EME2: variants seen among roughly 807,000 people sequenced by gnomAD.
The protein encoded by EME2 is essential meiotic structure-specific endonuclease subunit 2.
Under a neutral mutation model 41.9 loss-of-function variants are expected in EME2, and 58 were observed. The observed-to-expected ratio is 1.38, with a 90% CI of 1.12 to 1.72. EME2 has a LOEUF of 1.72. EME2 is among the 40% of genes most tolerant of loss of function. EME2 has a pLI of 0.00. For missense variants in EME2, 695 were observed against 541.9 expected (o/e 1.28, Z -2.81); for synonymous variants, 334 against 239.3 (o/e 1.40, Z -3.65).
intron 6 of EME2, 38 bp from the exon 7 acceptor site, chr16:1,775,759 C>T (rs1309910588): frequency 1.6e-5 from 26 of 1,612,260 alleles, no homozygotes; most frequent in Non-Finnish European, 1.9e-5. Context: ...TTGGGAGCTG[C>T]TCACATGAGG....
chr16:1,777,069 C>T lies in EME2; in HGVS notation c.*831C>T. The T allele has an allele frequency of 6.2e-7, 1 of 1,602,502 alleles. No homozygotes were observed. The highest frequency in any genetic ancestry group is 2.2e-5 in the East Asian group (1 of 44,750). ...ACAGAGGAAAGGGGCTGTCCCAGCC[C>T]AAGAAGGCAGTTCCACTGGGAAGTC... On this transcript the variant is annotated 3_prime_UTR_variant, in exon 8 of 8. Coordinates refer to ENST00000568449, the MANE Select transcript of EME2 (RefSeq NM_001257370.2).
rs1268567511 is a variant in EME2 at position 1,780,509 on chromosome 16, A to G, written c.*4271A>G. The G allele has an allele frequency of 1.3e-5, 2 of 152,486 alleles. No individual in the cohort carries two copies. Among genetic ancestry groups the G allele is most frequent in the Non-Finnish European group, 2.9e-5 (2 of 68,210 alleles). The allele number at this position is 152,486 out of a possible 1,614,324, so 9.4% of individuals were successfully genotyped here. On this transcript the variant is annotated 3_prime_UTR_variant, in exon 8 of 8. Transcript: ENST00000568449. Reference sequence around the variant, plus strand: ...AGATCACCTGGGCTGCAGACAGACAAACACCTGAGCTGTTCTGAATACCTT... The same window carrying G: ...AGATCACCTGGGCTGCAGACAGACAGACACCTGAGCTGTTCTGAATACCTT...
rs759904850 is a variant in EME2, at chr16:1,775,040, G to C, written c.478-1G>C. ...ACTGTGCCACACGTTCTCATCTTCA[G>C]ATCTCTGGCCCAACCCACTGGGTGC... On this transcript the variant is annotated splice_acceptor_variant, in intron 3 of 7. Transcript: ENST00000568449. LOFTEE classifies it high-confidence loss of function. 1.9e-6 allele frequency: 3 copies of C among 1,608,128 alleles called. No homozygotes were observed. The highest frequency in any genetic ancestry group is 1.3e-5 in the African/African-American group (1 of 74,934).
chr16:1,777,980 G>A lies in EME2; in HGVS notation c.*1742G>A. The A allele has an allele frequency of 6.2e-7, 1 of 1,613,080 alleles. No individual in the cohort carries two copies. Among genetic ancestry groups the A allele is most frequent in the East Asian group, 2.2e-5 (1 of 44,856 alleles). On this transcript the variant is annotated 3_prime_UTR_variant, in exon 8 of 8. Transcript: ENST00000568449. ...AGAGGCCCCAGCTGTCCTCATCCCT[G>A]CCCAGCAGGCTGCAGAACGTGTGGC... is the stretch of plus-strand genomic sequence containing the variant.
Position 1,776,874 on chromosome 16 carries a change from C to G in EME2, c.*636C>G. 1.7e-6 allele frequency: 1 copy of G among 578,186 alleles called. No homozygotes were observed. 35.8% of individuals were successfully genotyped at this position (578,186 alleles called of 1,614,324 possible). On this transcript the variant is annotated 3_prime_UTR_variant, in exon 8 of 8. Transcript: ENST00000568449. Reference sequence around the variant, plus strand: ...TCGTCCTCGCAGCCTCCCACAAGACCTGGGGCTCAGGGCAGCCGCTTCCCC... The same window carrying G: ...TCGTCCTCGCAGCCTCCCACAAGACGTGGGGCTCAGGGCAGCCGCTTCCCC...
In EME2 at chr16:1,781,212, A is replaced by G; in HGVS notation, c.*4974A>G. ...TCTTACTGAATGCGGTGCATCCAGG[A>G]GACAGGCCCAGGTTTGGACTGGTCC... On this transcript the variant is annotated 3_prime_UTR_variant, in exon 8 of 8. Transcript: ENST00000568449. 1 of 1,570,966 alleles carries G rather than the reference A, an allele frequency of 6.4e-7. No individual in the cohort carries two copies. Among genetic ancestry groups the G allele is most frequent in the South Asian group, 1.1e-5 (1 of 87,000 alleles).
chr16:1,773,017 C>A lies in EME2; in HGVS notation c.-211C>A. 6.9e-7 allele frequency: 1 copy of A among 1,454,356 alleles called. No individual in the cohort carries two copies. The allele number at this position is 1,454,356 out of a possible 1,614,324, so 90.1% of individuals were successfully genotyped here. The stretch of plus-strand genomic sequence containing the variant: ...CGCGTCAAGGTCTCGTAGTCCACCG[C>A]GTAGAGCTGGGAGTCGCGCGGCCTG... On this transcript the variant is annotated 5_prime_UTR_variant, in exon 1 of 8. Transcript: ENST00000568449.
chr16:1,773,567 G>A, intron 1 of EME2, 93 bp downstream of exon 1: 2 of 1,514,244 alleles, frequency 1.3e-6, no homozygotes, highest in East Asian at 2.5e-5. Context: ...CGCGCGTGCC[G>A]AGGGGCCTGG....
Position 1,772,969 on chromosome 16 carries a change from G to C in EME2, c.-259G>C, listed in dbSNP as rs2042646178. 1 of 1,447,894 alleles carries C rather than the reference G, an allele frequency of 6.9e-7. No individual in the cohort carries two copies. The highest frequency in any genetic ancestry group is 9.1e-7 in the Non-Finnish European group (1 of 1,103,314). 89.7% of individuals were successfully genotyped at this position (1,447,894 alleles called of 1,614,324 possible). A position where few individuals can be genotyped will look rare whatever the true frequency, so the allele number is the denominator to read the frequency against. On this transcript the variant is annotated 5_prime_UTR_variant, in exon 1 of 8. Transcript: ENST00000568449. ...CGCACGTCGGCCCAGGCCCGGACCG[G>C]CAGCCGGCGTCCAGAGAACGGCCGC...
rs746546478 is a variant in EME2, at chr16:1,776,244, C to T, written c.*6C>T. 40 of 1,611,852 alleles carry T rather than the reference C, an allele frequency of 2.5e-5. No individual in the cohort carries two copies. Among genetic ancestry groups the T allele is most frequent in the African/African-American group, 9.3e-5 (7 of 74,936 alleles). On this transcript the variant is annotated 3_prime_UTR_variant, in exon 8 of 8. Coordinates refer to ENST00000568449, the MANE Select transcript of EME2 (RefSeq NM_001257370.2). ...TGCTGGACCTGGGCTCCTGACCACA[C>T]GTGGGACCACCAGGACAGCATGCAG...
chr16:1,779,080 C>G lies in EME2; in HGVS notation c.*2842C>G, dbSNP rs1457375431. ...TCCTGTTACCTGAGCAGACCTGGCT[C>G]ACCACAGGGTCCTACTGCCCAGTGC... On this transcript the variant is annotated 3_prime_UTR_variant, in exon 8 of 8. Transcript: ENST00000568449. The G allele has an allele frequency of 6.3e-6, 1 of 158,312 alleles. No homozygotes were observed. Among genetic ancestry groups the G allele is most frequent in the African/African-American group, 2.4e-5 (1 of 41,650 alleles). 9.8% of individuals were successfully genotyped at this position (158,312 alleles called of 1,614,324 possible). A position where few individuals can be genotyped will look rare whatever the true frequency, so the allele number is the denominator to read the frequency against.
chr16:1,778,383 C>A lies in EME2; in HGVS notation c.*2145C>A. ...CTCCATGGGGCTCTGCCCTGCCCAC[C>A]CCCAGGCCCGCCCGCAGTGCAGTCC... is the stretch of plus-strand genomic sequence containing the variant. On this transcript the variant is annotated 3_prime_UTR_variant, in exon 8 of 8. Transcript: ENST00000568449. 2 of 1,607,446 alleles carry A rather than the reference C, an allele frequency of 1.2e-6. No homozygotes were observed. Among genetic ancestry groups the A allele is most frequent in the Non-Finnish European group, 1.7e-6 (2 of 1,177,666 alleles).
In EME2 at chr16:1,777,565, G is replaced by A. The variant is rs1596854139; in HGVS notation, c.*1327G>A. On this transcript the variant is annotated 3_prime_UTR_variant, in exon 8 of 8. Transcript: ENST00000568449. ...AGCTGGCACAGCTGAGGCAAGGCAG[G>A]GTGCACGCGCTGGCCCTGCCACTCC... 4.5e-6 allele frequency: 6 copies of A among 1,346,486 alleles called. No individual in the cohort carries two copies. The highest frequency in any genetic ancestry group is 5.4e-4 in the Middle Eastern group (2 of 3,730). The allele number at this position is 1,346,486 out of a possible 1,614,324, so 83.4% of individuals were successfully genotyped here. A position where few individuals can be genotyped will look rare whatever the true frequency, so the allele number is the denominator to read the frequency against.
In EME2 at chr16:1,776,994, C is replaced by T; in HGVS notation, c.*756C>T. 2 of 1,384,918 alleles carry T rather than the reference C, an allele frequency of 1.4e-6. No homozygotes were observed. The highest frequency in any genetic ancestry group is 2.0e-6 in the Non-Finnish European group (2 of 1,018,832). The allele number at this position is 1,384,918 out of a possible 1,614,324, so 85.8% of individuals were successfully genotyped here. A position where few individuals can be genotyped will look rare whatever the true frequency, so the allele number is the denominator to read the frequency against. On this transcript the variant is annotated 3_prime_UTR_variant, in exon 8 of 8. Coordinates refer to ENST00000568449, the MANE Select transcript of EME2 (RefSeq NM_001257370.2). ...ATGGCTCCCTCCGGACGGGCCTCAT[C>T]CAACTCCGCCCTGGAGTGTGGCTGG...
In EME2 at chr16:1,775,758, G is replaced by A. The variant is rs570087721; in HGVS notation, c.780-39G>A. On this transcript the variant is annotated intron_variant, in intron 6 of 7. Transcript: ENST00000568449. ...GTGCCTCCCCGGCCTTTTGGGAGCTGCTCACATGAGGTTCTAAAAGGCTTC... is the reference window on the plus strand; with the variant it reads ...GTGCCTCCCCGGCCTTTTGGGAGCTACTCACATGAGGTTCTAAAAGGCTTC... The A allele has an allele frequency of 8.7e-6, 14 of 1,612,296 alleles. 1 individual carries two copies. In the Admixed American group the frequency reaches 1.7e-4, roughly 19 times the overall value.
In EME2 at chr16:1,775,844, G is replaced by A. The variant is rs745402339; in HGVS notation, c.827G>A (p.Trp276Ter). 4 of 1,611,970 alleles carry A rather than the reference G, an allele frequency of 2.5e-6. No individual in the cohort carries two copies. In the Admixed American group the frequency reaches 5.0e-5, roughly 20 times the overall value. The change falls in exon 7 of 8, where the codon TGG becomes TAG. Residue 276 changes from tryptophan (W) to a stop codon, truncating the protein, a stop_gained. Transcript: ENST00000568449. LOFTEE classifies it high-confidence loss of function. ...QAFSFCTAGRWAAGEPVARDG... is the reference protein window; with the variant it reads ...QAFSFCTAGR ...TTCTCCTTCTGCACAGCAGGGCGCTGGGCAGCCGGCGAGCCAGTGGCAAGA... is the reference window on the plus strand; with the variant it reads ...TTCTCCTTCTGCACAGCAGGGCGCTAGGCAGCCGGCGAGCCAGTGGCAAGA...
At chr16:1,774,479 CCT>C (rs1307855345) in intron 3 of EME2, 127 bp downstream of exon 3, 7 of 715,090 alleles carry the variant, frequency 9.8e-6, no homozygotes, top group African/African-American at 5.3e-5. Flanking sequence ...GGCCAGGACT[CCT>C]CTCTGATCCA....
chr16:1,781,581 A>G lies in EME2; in HGVS notation c.*5343A>G. The G allele has an allele frequency of 6.9e-7, 1 of 1,446,064 alleles. No individual in the cohort carries two copies. The highest frequency in any genetic ancestry group is 9.4e-7 in the Non-Finnish European group (1 of 1,066,218). The allele number at this position is 1,446,064 out of a possible 1,614,324, so 89.6% of individuals were successfully genotyped here. On this transcript the variant is annotated 3_prime_UTR_variant, in exon 8 of 8. Coordinates refer to ENST00000568449, the MANE Select transcript of EME2 (RefSeq NM_001257370.2). The stretch of plus-strand genomic sequence containing the variant: ...CCAGGCTGGGCCACGGACCCACTCA[A>G]AGTGGGGACTGCAGGGGCCGCACCG...
Position 1,778,455 on chromosome 16 carries a change from C to T in EME2, c.*2217C>T, listed in dbSNP as rs368805218. On this transcript the variant is annotated 3_prime_UTR_variant, in exon 8 of 8. Coordinates refer to ENST00000568449, the MANE Select transcript of EME2 (RefSeq NM_001257370.2). ...CTCACACTCGTCTTCCTCTCCGCAGCGGCAGTCCCTGCCCCGGTGGGCCGA... is the reference window on the plus strand; with the variant it reads ...CTCACACTCGTCTTCCTCTCCGCAGTGGCAGTCCCTGCCCCGGTGGGCCGA... 153 of 1,610,274 alleles carry T rather than the reference C, an allele frequency of 9.5e-5. No individual in the cohort carries two copies. The highest frequency in any genetic ancestry group is 1.7e-4 in the Middle Eastern group (1 of 5,958).
Sources: allele counts gnomAD v4.1 joint callset, GRCh38; gene constraint gnomAD v4.1.1; transcripts MANE v1.5; gene names NCBI Gene and HGNC (gene_info 2026-07-23, HGNC 2026-07-21).